FAAH2: variants seen among roughly 807,000 people sequenced by gnomAD.
The protein encoded by FAAH2 is fatty acid amide hydrolase 2.
FAAH2 carries 60 observed loss-of-function variants against 36.9 expected under a neutral mutation model. The observed-to-expected ratio is 1.63, with a 90% CI of 1.32 to 2.02. FAAH2 has a LOEUF of 2.02. Among genes scored for constraint, FAAH2 ranks in the 30% most tolerant of loss-of-function variants. FAAH2 has a pLI of 0.00. For missense variants in FAAH2, 689 were observed against 397.5 expected, an observed-to-expected ratio of 1.73 and a Z score of -6.23; for synonymous variants, 214 against 143.8, an observed-to-expected ratio of 1.49 and a Z score of -3.49.
the FAAH2 span, among the ~76,000 whole-genome samples, chrX:57,205,144 T>C: frequency 1.8e-5 from 2 of 112,450 alleles, no homozygotes; most frequent in Non-Finnish European, 3.8e-5. Context: ...CCAAAGAGAA[T>C]TAGATTCCAA....
Position 57,423,512 on chromosome X carries a change from G to T in FAAH2, c.997-8406G>T, listed in dbSNP as rs550379986. Among the ~76,000 whole-genome samples, 17 of 111,860 alleles carry T rather than the reference G, an allele frequency of 1.5e-4. No individual in the cohort carries two copies. In the South Asian group the frequency reaches 6.4e-3, roughly 42 times the overall value. On this transcript the variant is annotated intron_variant, in intron 7 of 10. Coordinates refer to ENST00000374900, the MANE Select transcript of FAAH2 (RefSeq NM_174912.4). The stretch of plus-strand genomic sequence containing the variant: ...TGGCTGTTTTAGCTTGCTGCCAATG[G>T]TAGGTTGCAGGAGAGAGCTCCACCA...
At chrX:57,388,232 C>G (rs1485991039) in intron 7 of FAAH2, among the ~76,000 whole-genome samples, 1 of 111,150 alleles carries the variant, frequency 9.0e-6, no homozygotes, top group African/African-American at 3.3e-5. Flanking sequence ...TATCCACTTT[C>G]AGGTTCAATA....
intron 2 of FAAH2, among the ~76,000 whole-genome samples, chrX:57,305,781 C>T (rs764799563): frequency 2.7e-4 from 30 of 111,526 alleles, no homozygotes; most frequent in South Asian, 3.7e-4. Flanking sequence ...AGGGTCCCTT[C>T]TAGTTCAGTC....
the FAAH2 span, among the ~76,000 whole-genome samples, chrX:57,204,247 G>T: frequency 9.0e-6 from 1 of 111,364 alleles, no homozygotes; most frequent in Non-Finnish European, 1.9e-5. Context: ...GGTATCCCTC[G>T]ATTATGGGAG....
At chrX:57,244,443 G>A in the FAAH2 span, among the ~76,000 whole-genome samples, 3 of 111,217 alleles carry the variant, frequency 2.7e-5, no homozygotes, top group Admixed American at 9.5e-5. Flanking sequence ...GCACATAATC[G>A]TCAGATTCAC....
At chrX:57,438,879 G>A (rs1412871032) in intron 8 of FAAH2, among the ~76,000 whole-genome samples, 2 of 107,818 alleles carry the variant, frequency 1.9e-5, no homozygotes, top group Non-Finnish European at 3.8e-5. Context: ...GCGATAGTTT[G>A]CTGAGAATGA....
chrX:57,247,530 C>G, the FAAH2 span, among the ~76,000 whole-genome samples: 1 of 111,335 alleles, frequency 9.0e-6, no homozygotes, highest in Non-Finnish European at 1.9e-5. Context: ...GGCCATTTAT[C>G]TGTGTTCTTG....
the FAAH2 span, among the ~76,000 whole-genome samples, chrX:57,162,142 A>G: frequency 9.0e-6 from 1 of 111,541 alleles, no homozygotes; most frequent in Admixed American, 9.5e-5. Flanking sequence ...CTGGATATGA[A>G]ATTCTGGGTT....
At chrX:57,253,537 C>A in the FAAH2 span, among the ~76,000 whole-genome samples, 1 of 111,654 alleles carries the variant, frequency 9.0e-6, no homozygotes, top group East Asian at 2.8e-4. Context: ...AGGTTACCCG[C>A]AAAAGGAAGC....
At chrX:57,216,554 A>ACG in the FAAH2 span, among the ~76,000 whole-genome samples, 3 of 39,738 alleles carry the variant, frequency 7.5e-5, no homozygotes, top group African/African-American at 5.6e-4. Context: ...GTATATGTAT[A>ACG]TATATATATA....
intron 3 of FAAH2, among the ~76,000 whole-genome samples, chrX:57,324,198 A>G (rs1395352627): frequency 9.0e-6 from 1 of 111,621 alleles, no homozygotes; most frequent in Non-Finnish European, 1.9e-5. Flanking sequence ...CCATTGGTCT[A>G]TATCTCTGTT....
chrX:57,263,444 C>T, the FAAH2 span, among the ~76,000 whole-genome samples: 3 of 110,449 alleles, frequency 2.7e-5, no homozygotes, highest in East Asian at 8.6e-4. Flanking sequence ...ATAAATCAAG[C>T]GTTATCTAAA....
At chrX:57,382,584 G>A (rs1205649670) in intron 7 of FAAH2, among the ~76,000 whole-genome samples, 1 of 111,602 alleles carries the variant, frequency 9.0e-6, no homozygotes, top group Non-Finnish European at 1.9e-5. Flanking sequence ...AGAAGAAATG[G>A]ATAAATTCCT....
chrX:57,206,637 T>A, the FAAH2 span, among the ~76,000 whole-genome samples: 1 of 112,294 alleles, frequency 8.9e-6, no homozygotes, highest in Non-Finnish European at 1.9e-5. Flanking sequence ...AGGCTGCAGG[T>A]TGTTTACTGC....
At chrX:57,156,347 G>T in the FAAH2 span, among the ~76,000 whole-genome samples, 1 of 111,904 alleles carries the variant, frequency 8.9e-6, no homozygotes, top group African/African-American at 3.2e-5. Flanking sequence ...CCTCTGAGAG[G>T]TTCTATATCT....
chrX:57,188,971 G>A, the FAAH2 span, among the ~76,000 whole-genome samples: 1 of 111,588 alleles, frequency 9.0e-6, no homozygotes, highest in Non-Finnish European at 1.9e-5. Context: ...ATAATATCCT[G>A]AAGTGTGTTT....
intron 5 of FAAH2, among the ~76,000 whole-genome samples, chrX:57,374,994 A>C (rs1393166943): frequency 9.0e-6 from 1 of 111,307 alleles, no homozygotes; most frequent in Non-Finnish European, 1.9e-5. Flanking sequence ...AATTCTGTTT[A>C]TGTGGTGTAT....
At chrX:57,407,571 C>A (rs1050768252) in intron 7 of FAAH2, among the ~76,000 whole-genome samples, 2 of 111,914 alleles carry the variant, frequency 1.8e-5, no homozygotes, top group Admixed American at 1.9e-4. Context: ...CTAGCTTATT[C>A]TGTAGCTCTC....
At chrX:57,364,915 G>A (rs1219405254) in intron 5 of FAAH2, among the ~76,000 whole-genome samples, 1 of 111,678 alleles carries the variant, frequency 9.0e-6, no homozygotes, top group Non-Finnish European at 1.9e-5. Context: ...TGGTCTATGA[G>A]TGTAGTTGTT....
Sources: allele counts gnomAD v4.1 joint callset (sites outside exome capture counted in the v4.1 genomes callset), GRCh38; gene constraint gnomAD v4.1.1; transcripts MANE v1.5; gene names NCBI Gene and HGNC (gene_info 2026-07-23, HGNC 2026-07-21).